THSD7B: variants seen among roughly 807,000 people sequenced by gnomAD.
THSD7B encodes thrombospondin type-1 domain-containing protein 7B.
A neutral mutation model predicts 213.6 loss-of-function variants in THSD7B; 138 were observed. The ratio of observed to expected loss-of-function variants is 0.65; its 90% CI spans 0.56 to 0.74. THSD7B has a LOEUF of 0.74. THSD7B is among the 30% of genes least tolerant of loss of function. The pLI, the probability that THSD7B is intolerant of heterozygous loss-of-function variation, is 0.00. For synonymous variants in THSD7B, 742 were observed against 687.0 expected (o/e 1.08, Z -1.25); for missense variants, 1,931 against 1,991.5 (o/e 0.97, Z 0.58).
At position 137,321,868 on chromosome 2, in the gene THSD7B, A is replaced by G. The variant is rs530281772; in HGVS notation, c.2500+45842A>G. 1.7e-3 allele frequency among the ~76,000 whole-genome samples: 262 copies of G among 152,076 alleles called. 1 individual carries two copies. Among genetic ancestry groups the G allele is most frequent in the Non-Finnish European group, 2.8e-3 (190 of 67,850 alleles). ...CAATCTAAGCACATCTGTTCATAAT[A>G]ATTAACTTCTGTGCCTTGTGAGCAG... On this transcript the variant is annotated intron_variant, in intron 12 of 27. Transcript: ENST00000409968.
chr2:136,853,386 G>A (rs973291925), intron 1 of THSD7B, among the ~76,000 whole-genome samples: 5 of 151,988 alleles, frequency 3.3e-5, no homozygotes, highest in Admixed American at 3.3e-4. Flanking sequence ...CCTTTATTTT[G>A]TAGGATAAAC....
Position 137,278,035 on chromosome 2 carries a change from A to G in THSD7B, c.2500+2009A>G, listed in dbSNP as rs141123644. 6.6e-5 allele frequency among the ~76,000 whole-genome samples: 10 copies of G among 152,154 alleles called. No homozygotes were observed. The East Asian group carries it at 1.9e-3, about 29-fold the overall frequency. On this transcript the variant is annotated intron_variant, in intron 12 of 27. Coordinates refer to ENST00000409968, the MANE Select transcript of THSD7B (RefSeq NM_001316349.2). Reference sequence around the variant, plus strand: ...GGACAATAAGCAGAGGTGGGTGGAGATGCGGGGCTAGACTGAAATCAGGTG... The same window carrying G: ...GGACAATAAGCAGAGGTGGGTGGAGGTGCGGGGCTAGACTGAAATCAGGTG...
At chr2:137,254,616 G>C (rs1478755659) in intron 10 of THSD7B, among the ~76,000 whole-genome samples, 1 of 152,090 alleles carries the variant, frequency 6.6e-6, no homozygotes, top group Non-Finnish European at 1.5e-5. Flanking sequence ...CTTTTTCACA[G>C]TATTTTGAAT....
intron 15 of THSD7B, among the ~76,000 whole-genome samples, chr2:137,452,669 G>A (rs926133486): frequency 6.6e-6 from 1 of 152,044 alleles, no homozygotes; most frequent in African/African-American, 2.4e-5. Context: ...ATTATCAAGG[G>A]AATAAAAGGA....
intron 16 of THSD7B, among the ~76,000 whole-genome samples, chr2:137,564,520 T>C (rs1021679104): frequency 2.6e-5 from 4 of 152,206 alleles, no homozygotes; most frequent in African/African-American, 9.6e-5. Flanking sequence ...TTTACCTTTT[T>C]CTTTTTAAAA....
chr2:136,812,752 T>C (rs957213180), intron 1 of THSD7B, among the ~76,000 whole-genome samples: 5 of 152,194 alleles, frequency 3.3e-5, no homozygotes, highest in Non-Finnish European at 4.4e-5. Context: ...CTTGCCTCAC[T>C]TTGTTGTCAC....
Position 137,416,374 on chromosome 2 carries a change from G to A in THSD7B, c.2959+4502G>A, listed in dbSNP as rs1028177497. On this transcript the variant is annotated intron_variant, in intron 14 of 27. Coordinates refer to ENST00000409968, the MANE Select transcript of THSD7B (RefSeq NM_001316349.2). ...CATGCCCTTTTTCCTCCTGTCATGGGACTCTTCATCCTCTGGGTTAAGATC... is the reference window on the plus strand; with the variant it reads ...CATGCCCTTTTTCCTCCTGTCATGGAACTCTTCATCCTCTGGGTTAAGATC... 2.6e-5 allele frequency among the ~76,000 whole-genome samples: 4 copies of A among 152,192 alleles called. No individual in the cohort carries two copies. In the East Asian group the frequency reaches 5.8e-4, roughly 22 times the overall value.
intron 1 of THSD7B, among the ~76,000 whole-genome samples, chr2:136,866,783 G>A (rs948874108): frequency 1.3e-5 from 2 of 152,158 alleles, no homozygotes; most frequent in Non-Finnish European, 2.9e-5. Flanking sequence ...AGTCTGGAAA[G>A]TATTTGTTAT....
chr2:137,573,554 CTGAT>C (rs1313993888), intron 17 of THSD7B, among the ~76,000 whole-genome samples: 2 of 151,906 alleles, frequency 1.3e-5, no homozygotes, highest in East Asian at 3.9e-4. Context: ...TGAAGAGAAA[CTGAT>C]AAGAATAACT....
intron 7 of THSD7B, among the ~76,000 whole-genome samples, chr2:137,203,569 AAGGAAAAAAAACCT>A (rs1410557898): frequency 5.3e-5 from 8 of 152,058 alleles, no homozygotes; most frequent in Admixed American, 3.9e-4. Context: ...GAGAAGAGAT[AAGGAAAAAAAACCT>A]TTTTTTATTT....
At position 136,981,866 on chromosome 2, in the gene THSD7B, G is replaced by A. The variant is rs546265128; in HGVS notation, c.140-74554G>A. Among the ~76,000 whole-genome samples the A allele has an allele frequency of 2.6e-5, 4 of 152,232 alleles. No homozygotes were observed. The South Asian group carries it at 8.3e-4, about 32-fold the overall frequency. On this transcript the variant is annotated intron_variant, in intron 2 of 27. Transcript: ENST00000409968. ...TTTCTTATCTGCCTGTGAGCTCTAT[G>A]TCAGGGAGAACGTTGTGTTGCTCAT...
At chr2:136,848,727 G>A (rs1331400923) in intron 1 of THSD7B, among the ~76,000 whole-genome samples, 2 of 152,090 alleles carry the variant, frequency 1.3e-5, no homozygotes, top group East Asian at 3.8e-4. Flanking sequence ...GTTATGCAAA[G>A]TTTTATTGAG....
At chr2:136,769,087 C>G (rs1464690329) in intron 1 of THSD7B, among the ~76,000 whole-genome samples, 4 of 152,152 alleles carry the variant, frequency 2.6e-5, no homozygotes, top group African/African-American at 9.7e-5. Context: ...TAAAACTTCT[C>G]CATCTACCGA....
chr2:136,954,714 CAAAA>C (rs11378111), intron 2 of THSD7B, among the ~76,000 whole-genome samples: 5 of 89,428 alleles, frequency 5.6e-5, no homozygotes, highest in East Asian at 3.6e-4. Flanking sequence ...GACTCTGTCT[CAAAA>C]AAAAAAAAAA....
At chr2:136,847,589 C>T (rs1211483179) in intron 1 of THSD7B, among the ~76,000 whole-genome samples, 1 of 152,080 alleles carries the variant, frequency 6.6e-6, no homozygotes. Flanking sequence ...TTTTAAGATA[C>T]TTCTTTGTGG....
intron 1 of THSD7B, among the ~76,000 whole-genome samples, chr2:136,767,452 G>A (rs1681421815): frequency 1.8e-5 from 1 of 54,510 alleles, no homozygotes; most frequent in Admixed American, 1.7e-4. Context: ...TTCTATCCCT[G>A]GGAAGTGTGT....
intron 2 of THSD7B, among the ~76,000 whole-genome samples, chr2:136,909,971 G>T (rs181381959): frequency 2.6e-5 from 4 of 152,216 alleles, no homozygotes; most frequent in Non-Finnish European, 5.9e-5. Context: ...GTTGGCAAAC[G>T]AACAGGATCA....
intron 7 of THSD7B, among the ~76,000 whole-genome samples, chr2:137,221,391 C>A (rs1479166232): frequency 6.6e-6 from 1 of 150,748 alleles, no homozygotes; most frequent in Non-Finnish European, 1.5e-5. Context: ...ATAGAACTGT[C>A]CTGCCTCGTC....
At chr2:136,915,264 G>C (rs993959591) in intron 2 of THSD7B, among the ~76,000 whole-genome samples, 6 of 152,098 alleles carry the variant, frequency 3.9e-5, no homozygotes, top group African/African-American at 1.5e-4. Flanking sequence ...CCAAAGCAAA[G>C]TGAAACAGTT....
Sources: gnomAD v4.1 joint callset for allele counts (sites outside exome capture counted in the v4.1 genomes callset) on GRCh38, gnomAD v4.1.1 for gene constraint, MANE v1.5 for transcripts, NCBI Gene and HGNC (gene_info 2026-07-23, HGNC 2026-07-21) for gene names.